The following USP34 variants were observed in gnomAD, a reference collection of about 807,000 sequenced individuals.
USP34 encodes ubiquitin carboxyl-terminal hydrolase 34.
Under a neutral mutation model 460.3 loss-of-function variants are expected in USP34, and 70 were observed. That is an observed-to-expected ratio of 0.15 (90% CI 0.13 to 0.19). The LOEUF (loss-of-function observed/expected upper bound fraction) is 0.19, where lower values mean the gene tolerates loss of function less well. Ranked by LOEUF, USP34 falls within the 10% of genes least tolerant of loss-of-function variation. The pLI is 1.00. For missense variants in USP34, 3,985 were observed against 4,236.2 expected, an observed-to-expected ratio of 0.94 and a Z score of 1.65; for synonymous variants, 1,647 against 1,405.3, an observed-to-expected ratio of 1.17 and a Z score of -3.85.
At chr2:61,271,906 A>G (rs972465443) in intron 41 of USP34, among the ~76,000 whole-genome samples, 1 of 152,252 alleles carries the variant, frequency 6.6e-6, no homozygotes, top group African/African-American at 2.4e-5. Context: ...GAGATTTTAA[A>G]TATCTTGGAG....
At position 61,405,877 on chromosome 2, in the gene USP34, G is replaced by A; in HGVS notation, c.383C>T (p.Ser128Phe). ...RQKSIEKKSN[S>F]TRICNLTEEE... ...CTCAGTCAGATTACAAATTCTTGTA[G>A]AGTTTGATTTTTTTTCTATTGATTT... The change falls in exon 3 of 80, where the codon TCT (serine) becomes TTT (phenylalanine). Residue 128 changes from serine (S) to phenylalanine (F), a missense_variant. Ser to Phe is a radical substitution (Grantham distance 155, BLOSUM62 -2). This residue lies in a region of USP34 where 331 missense variants were observed against 293.7 expected (regional missense o/e 1.13). Coordinates refer to ENST00000398571, the MANE Select transcript of USP34 (RefSeq NM_014709.4). 1 of 1,613,674 alleles carries A rather than the reference G, an allele frequency of 6.2e-7. No homozygotes were observed. Among genetic ancestry groups the A allele is most frequent in the Non-Finnish European group, 8.5e-7 (1 of 1,179,914 alleles).
Position 61,190,430 on chromosome 2 carries a change from T to TA in USP34, c.9730-17dup, listed in dbSNP as rs745961188. On this transcript the variant is annotated splice_polypyrimidine_tract_variant and intron_variant, in intron 77 of 79. Coordinates refer to ENST00000398571, the MANE Select transcript of USP34 (RefSeq NM_014709.4). The stretch of plus-strand genomic sequence containing the variant: ...GACTTTGAACCTGAAAAAGAAGATT[T>TA]AAAAAAATCTCCAAAAGACCAGCAT... 28 of 1,597,238 alleles carry TA rather than the reference T, an allele frequency of 1.8e-5. No homozygotes were observed. Among genetic ancestry groups the TA allele is most frequent in the Non-Finnish European group, 2.2e-5 (26 of 1,174,334 alleles).
intron 2 of USP34, among the ~76,000 whole-genome samples, chr2:61,409,277 T>G (rs912430445): frequency 5.3e-5 from 8 of 151,724 alleles, no homozygotes; most frequent in South Asian, 2.1e-4. Flanking sequence ...CCGGGTGTGG[T>G]GGCTCACGCC....
intron 41 of USP34, 88 bp from the exon 42 acceptor site, chr2:61,266,255 C>A: frequency 8.0e-7 from 1 of 1,257,514 alleles, no homozygotes; most frequent in Admixed American, 2.4e-5. Flanking sequence ...TGACAGGCTA[C>A]AATTAAGCTA....
intron 1 of USP34, among the ~76,000 whole-genome samples, chr2:61,429,709 G>A (rs1694611797): frequency 6.6e-6 from 1 of 152,162 alleles, no homozygotes; most frequent in African/African-American, 2.4e-5. Flanking sequence ...AAGCAACATG[G>A]ATGACTTCTA....
intron 5 of USP34, among the ~76,000 whole-genome samples, chr2:61,385,526 G>C (rs1274014538): frequency 6.6e-6 from 1 of 151,620 alleles, no homozygotes; most frequent in Non-Finnish European, 1.5e-5. Flanking sequence ...AAAAAACTTA[G>C]CCGGACGTGG....
chr2:61,306,462 G>C (rs1231311393), intron 27 of USP34, among the ~76,000 whole-genome samples: 2 of 152,138 alleles, frequency 1.3e-5, no homozygotes, highest in Non-Finnish European at 2.9e-5. Context: ...ATGCTGTTTT[G>C]GTTACTATAG....
intron 37 of USP34, among the ~76,000 whole-genome samples, chr2:61,282,110 C>T (rs1315479195): frequency 6.6e-6 from 1 of 152,152 alleles, no homozygotes; most frequent in Non-Finnish European, 1.5e-5. Context: ...CTGCCTCAGC[C>T]TCCCGAGTAA....
intron 1 of USP34, among the ~76,000 whole-genome samples, chr2:61,448,336 G>A (rs2104051472): frequency 6.6e-6 from 1 of 152,294 alleles, no homozygotes; most frequent in East Asian, 1.9e-4. Context: ...AGCCTGGTGT[G>A]GTGGCACATG....
chr2:61,458,006 C>G (rs965893348), intron 1 of USP34, among the ~76,000 whole-genome samples: 3 of 152,068 alleles, frequency 2.0e-5, no homozygotes, highest in African/African-American at 7.2e-5. Context: ...ATTATCAACC[C>G]ACAGTGATCT....
intron 67 of USP34, among the ~76,000 whole-genome samples, chr2:61,216,862 G>A (rs1163608606): frequency 1.3e-5 from 2 of 150,934 alleles, no homozygotes; most frequent in East Asian, 1.9e-4. Flanking sequence ...AGGCTGCAGT[G>A]AGCTGAGATT....
At chr2:61,375,768 C>CAAAAAAAAAAAAAAAAAAA (rs56304309) in intron 8 of USP34, among the ~76,000 whole-genome samples, 16 of 80,864 alleles carry the variant, frequency 2.0e-4, no homozygotes, top group Middle Eastern at 8.1e-3. Context: ...GACTCTGTCT[C>CAAAAAAAAAAAAAAAAAAA]AAAAAAAAAA....
intron 3 of USP34, among the ~76,000 whole-genome samples, chr2:61,405,247 AAAAAAAAAAAG>A (rs1402503304): frequency 7.4e-5 from 11 of 149,586 alleles, no homozygotes; most frequent in South Asian, 2.1e-4. Flanking sequence ...AAAAAAAAAA[AAAAAAAAAAAG>A]AAAGAAAGAA....
intron 22 of USP34, among the ~76,000 whole-genome samples, chr2:61,318,095 T>C (rs1345359192): frequency 1.4e-5 from 2 of 147,436 alleles, no homozygotes; most frequent in African/African-American, 2.5e-5. Context: ...CGGGAGGCTG[T>C]AGTGGGAGAA....
At position 61,203,851 on chromosome 2, in the gene USP34, TC is replaced by T. The variant is rs369931786; in HGVS notation, c.9384+404del. ...GAACCAGACTAAAAATGATGACAAA[TC>T]TATCAATCAATATTATGCTTAGGTC... On this transcript the variant is annotated intron_variant, in intron 74 of 79. Transcript: ENST00000398571. 1.1e-3 allele frequency among the ~76,000 whole-genome samples: 163 copies of T among 152,032 alleles called. 6 individuals are homozygous for T. The highest frequency in any genetic ancestry group is 9.6e-3 in the Admixed American group (146 of 15,262).
At chr2:61,316,302 T>C (rs1202846270) in intron 23 of USP34, among the ~76,000 whole-genome samples, 1 of 151,786 alleles carries the variant, frequency 6.6e-6, no homozygotes, top group Non-Finnish European at 1.5e-5. Context: ...AAAATTATTC[T>C]GGCCAGCCGT....
At chr2:61,228,782 G>A in intron 60 of USP34, 45 bp downstream of exon 60, 1 of 1,587,344 alleles carries the variant, frequency 6.3e-7, no homozygotes, top group South Asian at 1.2e-5. Flanking sequence ...TGCAAATACT[G>A]AAAAAAGGTA....
Position 61,241,782 on chromosome 2 carries a change from T to A in USP34, c.6665A>T (p.Asp2222Val). 1 of 1,535,618 alleles carries A rather than the reference T, an allele frequency of 6.5e-7. No individual in the cohort carries two copies. The highest frequency in any genetic ancestry group is 1.4e-5 in the African/African-American group (1 of 71,584). The stretch of plus-strand genomic sequence containing the variant: ...AATGGTTACCTTTTCAAAAGAGAAG[T>A]CCATAAATTTATCTGTAACAGAATC... ...TYDSVTDKFM[D>V]FSFEKTHSAY... is the part of the protein sequence containing the mutation. The change falls in exon 52 of 80, where the codon GAC becomes GTC. Residue 2222 changes from aspartate (D) to valine (V), a missense_variant. By Grantham distance (152) the Asp-to-Val change is radical (BLOSUM62 -3). Transcript: ENST00000398571.
chr2:61,322,925 G>C (rs1690970330), intron 21 of USP34, among the ~76,000 whole-genome samples: 1 of 151,584 alleles, frequency 6.6e-6, no homozygotes, highest in East Asian at 1.9e-4. Flanking sequence ...ATAATTGGCT[G>C]AATCACCAAT....
Sources: gnomAD v4.1 joint callset for allele counts (sites outside exome capture counted in the v4.1 genomes callset) on GRCh38, gnomAD v4.1.1 for gene constraint, gnomAD v4.1.1 regional missense constraint, MANE v1.5 for transcripts, NCBI Gene and HGNC (gene_info 2026-07-23, HGNC 2026-07-21) for gene names.